The following ARMC2 variants were observed in gnomAD, a reference collection of about 807,000 sequenced individuals.
ARMC2 encodes armadillo repeat containing 2.
ARMC2 carries 67 observed loss-of-function variants against 90.3 expected under a neutral mutation model. That is an observed-to-expected ratio of 0.74 (90% CI 0.61 to 0.91). The LOEUF (loss-of-function observed/expected upper bound fraction) is 0.91, where lower values mean the gene tolerates loss of function less well. Ranked by LOEUF, ARMC2 falls within the 40% of genes least tolerant of loss-of-function variation. ARMC2 has a pLI of 0.00. For synonymous variants in ARMC2, 393 were observed against 393.0 expected (o/e 1.00, Z 0.00); for missense variants, 920 against 1,030.9 (o/e 0.89, Z 1.47).
chr6:108,957,109 C>T (rs1272575218), intron 13 of ARMC2, among the ~76,000 whole-genome samples: 1 of 152,244 alleles, frequency 6.6e-6, no homozygotes, highest in Non-Finnish European at 1.5e-5. Context: ...AGAAACCCTG[C>T]TCTCCTGTGA....
chr6:109,023,402 C>G, the ARMC2 span, among the ~76,000 whole-genome samples: 1,346 of 152,326 alleles, frequency 8.8e-3, 8 homozygotes, highest in Non-Finnish European at 0.015. Flanking sequence ...TACCACTTGA[C>G]AGTTTACCAT....
chr6:108,930,309 C>G (rs952589555), intron 11 of ARMC2, among the ~76,000 whole-genome samples: 4 of 151,920 alleles, frequency 2.6e-5, no homozygotes, highest in African/African-American at 9.7e-5. Context: ...TCTATAGATG[C>G]TCTTGAATTT....
At chr6:108,913,694 T>C (rs767377903) in intron 10 of ARMC2, among the ~76,000 whole-genome samples, 1 of 152,218 alleles carries the variant, frequency 6.6e-6, no homozygotes. Context: ...TATATACATA[T>C]ACATAATTTA....
the ARMC2 span, chr6:109,009,609 T>A: frequency 9.8e-7 from 1 of 1,016,554 alleles, no homozygotes; most frequent in South Asian, 4.7e-5. Flanking sequence ...CCCGCGCCCG[T>A]CATTTCACCG....
chr6:109,050,921 G>A, the ARMC2 span, among the ~76,000 whole-genome samples: 1 of 152,196 alleles, frequency 6.6e-6, no homozygotes, highest in African/African-American at 2.4e-5. Context: ...TAGGGGGAAT[G>A]TGGTCCTCAG....
the ARMC2 span, among the ~76,000 whole-genome samples, chr6:108,995,063 T>C: frequency 6.6e-6 from 1 of 152,156 alleles, no homozygotes. Flanking sequence ...TGTACATGAA[T>C]GAATAAAAAA....
intron 12 of ARMC2, among the ~76,000 whole-genome samples, chr6:108,952,152 TCTC>T (rs1444465977): frequency 2.6e-5 from 4 of 152,144 alleles, no homozygotes; most frequent in Admixed American, 6.5e-5. Flanking sequence ...TCCTTTAAAA[TCTC>T]CTCCTCCCAG....
the ARMC2 span, among the ~76,000 whole-genome samples, chr6:109,048,138 G>A: frequency 6.6e-6 from 1 of 151,660 alleles, no homozygotes; most frequent in Non-Finnish European, 1.5e-5. Context: ...TATTTTTGCT[G>A]TCAACATTCA....
chr6:108,913,778 C>T (rs1583096280), intron 10 of ARMC2, among the ~76,000 whole-genome samples: 1 of 152,276 alleles, frequency 6.6e-6, no homozygotes, highest in African/African-American at 2.4e-5. Flanking sequence ...ATTCTCTTCC[C>T]TCCCTGTTTC....
the ARMC2 span, among the ~76,000 whole-genome samples, chr6:109,044,436 G>C: frequency 7.0e-6 from 1 of 142,720 alleles, no homozygotes; most frequent in South Asian, 2.3e-4. Flanking sequence ...CATACGCAAA[G>C]AAAAGAAAGA....
chr6:108,924,476 ACT>A (rs1159494463), intron 10 of ARMC2, among the ~76,000 whole-genome samples: 2 of 145,552 alleles, frequency 1.4e-5, no homozygotes, highest in Non-Finnish European at 3.0e-5. Context: ...CGAGATCGAG[ACT>A]CTGTCTCGAA....
chr6:108,910,533 A>G (rs1379785182), intron 8 of ARMC2, among the ~76,000 whole-genome samples: 1 of 152,192 alleles, frequency 6.6e-6, no homozygotes, highest in Non-Finnish European at 1.5e-5. Flanking sequence ...TCCTCAAAAA[A>G]CTAAAAAGAG....
At chr6:108,955,180 C>G (rs906591502) in intron 13 of ARMC2, among the ~76,000 whole-genome samples, 4 of 152,164 alleles carry the variant, frequency 2.6e-5, no homozygotes, top group African/African-American at 9.7e-5. Flanking sequence ...CTGGGGGATA[C>G]CAACATTCAG....
At chr6:108,964,122 A>T in intron 15 of ARMC2, 58 bp from the exon 16 acceptor site, 16 of 1,573,746 alleles carry the variant, frequency 1.0e-5, no homozygotes, top group Non-Finnish European at 1.4e-5. Flanking sequence ...CTGTAAAACA[A>T]GAGACAGCTG....
At chr6:108,866,156 C>T (rs968704316) in intron 3 of ARMC2, among the ~76,000 whole-genome samples, 15 of 151,850 alleles carry the variant, frequency 9.9e-5, no homozygotes, top group African/African-American at 3.4e-4. Flanking sequence ...CTGCAGAATA[C>T]AGACATTTTG....
At chr6:108,931,040 A>G (rs1450736226) in intron 11 of ARMC2, among the ~76,000 whole-genome samples, 1 of 151,600 alleles carries the variant, frequency 6.6e-6, no homozygotes, top group African/African-American at 2.4e-5. Context: ...CCAATAGTCA[A>G]AAGAGTTATC....
At chr6:108,965,186 GAGAT>G in intron 17 of ARMC2, 46 bp downstream of exon 17, 1 of 1,529,502 alleles carries the variant, frequency 6.5e-7, no homozygotes, top group South Asian at 1.2e-5. Context: ...ATCAGAGTGT[GAGAT>G]AGTTTTTTTC....
the ARMC2 span, chr6:108,988,464 T>G: frequency 7.8e-7 from 1 of 1,289,732 alleles, no homozygotes. Flanking sequence ...GGAAAGGGTT[T>G]CAGCACCATT....
chr6:108,872,268 A>G (rs566671202), intron 4 of ARMC2, among the ~76,000 whole-genome samples: 2 of 152,354 alleles, frequency 1.3e-5, no homozygotes, highest in African/African-American at 2.4e-5. Flanking sequence ...GGCCAGCAGT[A>G]TAACTGCTTT....
Sources: gnomAD v4.1 joint callset for allele counts (sites outside exome capture counted in the v4.1 genomes callset) on GRCh38, gnomAD v4.1.1 for gene constraint, MANE v1.5 for transcripts, NCBI Gene and HGNC (gene_info 2026-07-23, HGNC 2026-07-21) for gene names.